SIK3: variants seen among roughly 807,000 people sequenced by gnomAD.
SIK3 encodes the protein serine/threonine-protein kinase SIK3.
A neutral mutation model predicts 144.2 loss-of-function variants in SIK3; 28 were observed. That is an observed-to-expected ratio of 0.19 (90% CI 0.14 to 0.27). The LOEUF (loss-of-function observed/expected upper bound fraction) is 0.27. Among genes scored for constraint, SIK3 ranks in the 10% least tolerant of loss-of-function variants. SIK3 has a pLI of 1.00. For synonymous variants in SIK3, 686 were observed against 676.3 expected (o/e 1.01, Z -0.22); for missense variants, 1,319 against 1,776.0 (o/e 0.74, Z 4.62).
chr11:117,039,455 T>C (rs1952650522), intron 1 of SIK3, among the ~76,000 whole-genome samples: 1 of 152,156 alleles, frequency 6.6e-6, no homozygotes, highest in Admixed American at 6.5e-5. Flanking sequence ...ACTCAGTTCA[T>C]GACAGACTTG....
At chr11:116,888,944 C>G (rs900124445) in intron 6 of SIK3, among the ~76,000 whole-genome samples, 1 of 152,142 alleles carries the variant, frequency 6.6e-6, no homozygotes, top group East Asian at 1.9e-4. Flanking sequence ...AAGCCGGCTC[C>G]GGGAAGGGTT....
At chr11:116,851,608 A>T (rs191036888) in intron 21 of SIK3, among the ~76,000 whole-genome samples, 1 of 152,354 alleles carries the variant, frequency 6.6e-6, no homozygotes, top group East Asian at 1.9e-4. Flanking sequence ...GCAAGTGAGA[A>T]ATCTTTTGAA....
intron 1 of SIK3, among the ~76,000 whole-genome samples, chr11:117,054,370 C>T (rs550707533): frequency 6.6e-6 from 1 of 152,280 alleles, no homozygotes; most frequent in East Asian, 1.9e-4. Context: ...TACTGTAGGA[C>T]CCATGGGTCC....
intron 1 of SIK3, among the ~76,000 whole-genome samples, chr11:116,973,421 C>T (rs1010919267): frequency 2.0e-5 from 3 of 152,166 alleles, no homozygotes; most frequent in Non-Finnish European, 4.4e-5. Flanking sequence ...AAAAGCTTTG[C>T]TTTAGCCTTA....
At chr11:117,044,710 G>A (rs139105101) in intron 1 of SIK3, among the ~76,000 whole-genome samples, 1 of 152,120 alleles carries the variant, frequency 6.6e-6, no homozygotes, top group East Asian at 1.9e-4. Context: ...GGGAGACCCC[G>A]TCTTTATAAA....
chr11:117,024,224 C>G (rs1255248905), intron 1 of SIK3, among the ~76,000 whole-genome samples: 1 of 151,706 alleles, frequency 6.6e-6, no homozygotes, highest in East Asian at 1.9e-4. Context: ...AATGTTTATG[C>G]CTTTTCTCCT....
rs56247967 is a variant in SIK3, at chr11:116,858,173, C to T, written c.3292G>A (p.Ala1098Thr). 5,856 of 1,614,060 alleles carry T rather than the reference C, an allele frequency of 3.6e-3. 143 individuals carry two copies. In the African/African-American group the frequency reaches 0.059, roughly 16 times the overall value. ...TERQALSYQN[A>T]DSYHHHTSPQ... is the part of the protein sequence containing the mutation. ...CTGGTGTGATGGTGATAAGAGTCAG[C>T]ATTTTGATAAGATAAAGCCTGGCGC... Residue 1098 changes from alanine to threonine, a missense_variant, in exon 21 of 25, where the codon GCT (alanine) becomes ACT (threonine). By Grantham distance (58) the Ala-to-Thr change is moderately conservative. This residue lies in a region of SIK3 where 646 missense variants were observed against 763.7 expected (regional missense o/e 0.85). Transcript: ENST00000445177. This position sits in a 1 kb window ranked among gnomAD's most constrained non-coding sequence, Gnocchi z 5.4.
intron 21 of SIK3, among the ~76,000 whole-genome samples, chr11:116,856,163 C>T (rs1415641104): frequency 6.7e-6 from 1 of 148,900 alleles, no homozygotes; most frequent in Non-Finnish European, 1.5e-5. Context: ...CACCACTGCA[C>T]TCCAGCCTGG....
chr11:116,937,992 G>T (rs1446880303), intron 3 of SIK3, among the ~76,000 whole-genome samples: 11 of 151,962 alleles, frequency 7.2e-5, no homozygotes, highest in Non-Finnish European at 2.9e-5. Flanking sequence ...ATCACTTGAG[G>T]CCAGGAGTTC....
chr11:116,885,391 G>A (rs942016891), intron 6 of SIK3, among the ~76,000 whole-genome samples: 1 of 151,952 alleles, frequency 6.6e-6, no homozygotes, highest in Non-Finnish European at 1.5e-5. Context: ...CCTTACTTTC[G>A]ATCAGTTTTT....
rs1943731730 is a variant in SIK3, at chr11:116,867,860, G to C, written c.1952+86C>G. ...GCTGGCTTCTATTTAAAGCCACGAT[G>C]CTAGTCACCGTCGCTGTGAGACTAA... On this transcript the variant is annotated intron_variant, in intron 15 of 24. Transcript: ENST00000445177. The surrounding 1 kb of genome is among the most constrained non-coding windows in gnomAD (Gnocchi z 4.1). 1.5e-6 allele frequency: 2 copies of C among 1,338,252 alleles called. No individual in the cohort carries two copies. The highest frequency in any genetic ancestry group is 2.0e-6 in the Non-Finnish European group (2 of 1,002,742). The allele number at this position is 1,338,252 out of a possible 1,614,324, so 82.9% of individuals were successfully genotyped here.
chr11:116,872,575 C>G (rs186785749), intron 13 of SIK3, among the ~76,000 whole-genome samples: 1 of 152,090 alleles, frequency 6.6e-6, no homozygotes, highest in Non-Finnish European at 1.5e-5. Flanking sequence ...AAGGTAAGTA[C>G]AGAAATCAAC....
chr11:116,860,479 A>G (rs1292021710), intron 19 of SIK3, among the ~76,000 whole-genome samples: 1 of 151,832 alleles, frequency 6.6e-6, no homozygotes, highest in Non-Finnish European at 1.5e-5. Context: ...ACTTATCTTC[A>G]CTCCCATCTG....
chr11:116,873,777 C>T (rs1944094506), intron 12 of SIK3, 126 bp downstream of exon 12: 2 of 1,474,364 alleles, frequency 1.4e-6, no homozygotes, highest in East Asian at 2.3e-5. Context: ...ACCCGAGCTA[C>T]TTTGCAAGAT....
At chr11:117,097,758 C>A (rs1237235253) in intron 1 of SIK3, among the ~76,000 whole-genome samples, 2 of 152,106 alleles carry the variant, frequency 1.3e-5, no homozygotes, top group East Asian at 1.9e-4. Flanking sequence ...TTCATATGCC[C>A]CTGCCCTCAT....
chr11:116,915,570 GATAGAT>G (rs945389857), intron 4 of SIK3, among the ~76,000 whole-genome samples: 10 of 152,112 alleles, frequency 6.6e-5, no homozygotes, highest in Admixed American at 2.6e-4. Flanking sequence ...AATATAGATA[GATAGAT>G]ATAGATACGG....
At chr11:117,077,623 CAA>C (rs1337248714) in intron 1 of SIK3, among the ~76,000 whole-genome samples, 1 of 151,996 alleles carries the variant, frequency 6.6e-6, no homozygotes, top group East Asian at 1.9e-4. Context: ...AACAAATCAA[CAA>C]GAGATAATAT....
At chr11:117,013,497 T>G (rs570660241) in intron 1 of SIK3, among the ~76,000 whole-genome samples, 5 of 152,244 alleles carry the variant, frequency 3.3e-5, no homozygotes, top group African/African-American at 9.6e-5. Flanking sequence ...ATAAAAAAAC[T>G]TTGTATACCA....
intron 1 of SIK3, among the ~76,000 whole-genome samples, chr11:117,013,967 C>CTTTTTTTTTTTTTTTTTTTTTTTTT (rs1951406146): frequency 1.4e-4 from 1 of 7,374 alleles, no homozygotes. Flanking sequence ...TTCTTTTTTT[C>CTTTTTTTTTTTTTTTTTTTTTTTTT]TTTTCTTTTT....
Sources: gnomAD v4.1 joint callset for allele counts (sites outside exome capture counted in the v4.1 genomes callset) on GRCh38, gnomAD v4.1.1 for gene constraint, gnomAD v4.1.1 regional missense constraint, Gnocchi (gnomAD v3.1) non-coding constraint, MANE v1.5 for transcripts, NCBI Gene and HGNC (gene_info 2026-07-23, HGNC 2026-07-21) for gene names.